The following THSD7B variants were observed in gnomAD, a reference collection of about 807,000 sequenced individuals.
THSD7B encodes the protein thrombospondin type-1 domain-containing protein 7B.
In THSD7B, 138 loss-of-function variants were observed where a neutral mutation model predicts 213.6. That is an observed-to-expected ratio of 0.65 (90% confidence interval 0.56 to 0.74). THSD7B has a LOEUF of 0.74. THSD7B is among the 30% of genes least tolerant of loss of function. The pLI, the probability that THSD7B is intolerant of heterozygous loss-of-function variation, is 0.00. For missense variants in THSD7B, 1,931 were observed against 1,991.5 expected, an observed-to-expected ratio of 0.97 and a Z score of 0.58; for synonymous variants, 742 against 687.0, an observed-to-expected ratio of 1.08 and a Z score of -1.25.
At chr2:137,360,962 C>A (rs532521103) in intron 12 of THSD7B, among the ~76,000 whole-genome samples, 6 of 152,310 alleles carry the variant, frequency 3.9e-5, no homozygotes, top group South Asian at 2.1e-4. Flanking sequence ...TAGGGGCCGA[C>A]TGATACCTCA....
At chr2:137,235,996 A>T (rs928876294) in intron 9 of THSD7B, among the ~76,000 whole-genome samples, 24 of 152,328 alleles carry the variant, frequency 1.6e-4, no homozygotes, top group South Asian at 2.1e-4. Context: ...GGTTAATGAG[A>T]TTAATTGAGC....
chr2:137,671,797 C>G (rs1683584698), intron 27 of THSD7B, among the ~76,000 whole-genome samples: 1 of 152,120 alleles, frequency 6.6e-6, no homozygotes, highest in South Asian at 2.1e-4. Context: ...GGTACTGCCC[C>G]TCTAATTTTC....
At chr2:136,976,995 G>A (rs1041152375) in intron 2 of THSD7B, among the ~76,000 whole-genome samples, 2 of 152,112 alleles carry the variant, frequency 1.3e-5, no homozygotes, top group African/African-American at 4.8e-5. Context: ...ATGAGTTAGG[G>A]GAGAGTCCCT....
chr2:137,262,625 T>C (rs1469996869), intron 10 of THSD7B, among the ~76,000 whole-genome samples: 7 of 152,186 alleles, frequency 4.6e-5, no homozygotes, highest in Admixed American at 4.6e-4. Context: ...AGGTCGTATT[T>C]TTTAAATGGG....
At chr2:137,159,596 A>G (rs1402251644) in intron 5 of THSD7B, among the ~76,000 whole-genome samples, 2 of 152,262 alleles carry the variant, frequency 1.3e-5, no homozygotes, top group East Asian at 1.9e-4. Flanking sequence ...GGTGCACACC[A>G]GGAAGAGACA....
At chr2:137,164,668 G>A (rs573465510) in intron 6 of THSD7B, among the ~76,000 whole-genome samples, 3 of 152,094 alleles carry the variant, frequency 2.0e-5, no homozygotes, top group Admixed American at 6.5e-5. Flanking sequence ...AAGAAAATGG[G>A]GCACATATAC....
chr2:136,932,000 A>G (rs1370839969), intron 2 of THSD7B, among the ~76,000 whole-genome samples: 1 of 152,180 alleles, frequency 6.6e-6, no homozygotes, highest in Non-Finnish European at 1.5e-5. Context: ...TTAAAAAATT[A>G]TATTTAACAT....
At chr2:136,977,943 G>C (rs1685510522) in intron 2 of THSD7B, among the ~76,000 whole-genome samples, 1 of 151,956 alleles carries the variant, frequency 6.6e-6, no homozygotes, top group Non-Finnish European at 1.5e-5. Context: ...GGGATGACAG[G>C]TGTATGCCAC....
At chr2:136,966,222 C>T (rs897168558) in intron 2 of THSD7B, among the ~76,000 whole-genome samples, 4 of 16,828 alleles carry the variant, frequency 2.4e-4, no homozygotes, top group Non-Finnish European at 5.7e-4. Flanking sequence ...TCTTCCTAAA[C>T]ATTTTTTTTT....
At chr2:137,384,714 G>T (rs1298968990) in intron 12 of THSD7B, among the ~76,000 whole-genome samples, 1 of 152,142 alleles carries the variant, frequency 6.6e-6, no homozygotes, top group Admixed American at 6.5e-5. Flanking sequence ...GGCAGAAGGA[G>T]GGACTTAATG....
At chr2:137,393,518 C>T (rs1574002024) in intron 12 of THSD7B, among the ~76,000 whole-genome samples, 1 of 148,870 alleles carries the variant, frequency 6.7e-6, no homozygotes. Context: ...GCATAGTATT[C>T]CATGGTGTAT....
chr2:137,527,546 T>A (rs1354309476), intron 15 of THSD7B, among the ~76,000 whole-genome samples: 1 of 152,088 alleles, frequency 6.6e-6, no homozygotes, highest in Non-Finnish European at 1.5e-5. Context: ...ATTTTGAAAC[T>A]CCTTTTTTTG....
At chr2:136,828,845 C>G (rs970013924) in intron 1 of THSD7B, among the ~76,000 whole-genome samples, 2 of 152,170 alleles carry the variant, frequency 1.3e-5, no homozygotes, top group Non-Finnish European at 2.9e-5. Context: ...CTCCTTTTAT[C>G]TCTCACATAG....
At chr2:137,593,962 G>A (rs1003603385) in intron 17 of THSD7B, among the ~76,000 whole-genome samples, 1 of 151,914 alleles carries the variant, frequency 6.6e-6, no homozygotes, top group Non-Finnish European at 1.5e-5. Context: ...GAATGGTTTA[G>A]GAATATTTTA....
chr2:137,077,320 TA>T (rs1558911346), intron 3 of THSD7B, among the ~76,000 whole-genome samples: 1 of 152,196 alleles, frequency 6.6e-6, no homozygotes, highest in Non-Finnish European at 1.5e-5. Flanking sequence ...GCATGTTTTA[TA>T]ATCCTTTGGA....
chr2:137,561,933 T>C (rs2105222135), intron 15 of THSD7B, among the ~76,000 whole-genome samples: 1 of 152,288 alleles, frequency 6.6e-6, no homozygotes, highest in Admixed American at 6.5e-5. Flanking sequence ...TGTTTTATCT[T>C]CTTGTGAGTT....
At chr2:136,963,208 C>T (rs1685255463) in intron 2 of THSD7B, among the ~76,000 whole-genome samples, 1 of 152,152 alleles carries the variant, frequency 6.6e-6, no homozygotes, top group African/African-American at 2.4e-5. Flanking sequence ...TATCTCCCTT[C>T]CCACCCCCAG....
intron 15 of THSD7B, among the ~76,000 whole-genome samples, chr2:137,514,238 C>T (rs1680024941): frequency 6.6e-6 from 1 of 152,180 alleles, no homozygotes; most frequent in Non-Finnish European, 1.5e-5. Context: ...AGGAGATTAA[C>T]ATTTGAGTCA....
intron 15 of THSD7B, among the ~76,000 whole-genome samples, chr2:137,533,258 A>G (rs1010999049): frequency 6.6e-6 from 1 of 151,818 alleles, no homozygotes; most frequent in African/African-American, 2.4e-5. Flanking sequence ...CCAGTTCTCT[A>G]TAACGTGCCT....
Sources: allele counts gnomAD v4.1 joint callset (sites outside exome capture counted in the v4.1 genomes callset), GRCh38; gene constraint gnomAD v4.1.1; transcripts MANE v1.5; gene names NCBI Gene and HGNC (gene_info 2026-07-23, HGNC 2026-07-21).